Variants in RBFOX1 observed in about 807,000 individuals in gnomAD.
The protein encoded by RBFOX1 is RNA binding protein fox-1 homolog 1.
A neutral mutation model predicts 57.7 loss-of-function variants in RBFOX1; 8 were observed. The ratio of observed to expected loss-of-function variants is 0.14; its 90% CI spans 0.08 to 0.25. The LOEUF (loss-of-function observed/expected upper bound fraction) is 0.25. Ranked by LOEUF, RBFOX1 falls within the 10% of genes least tolerant of loss-of-function variation. RBFOX1 has a pLI of 1.00. For synonymous variants in RBFOX1, 326 were observed against 222.4 expected (o/e 1.47, Z -4.15); for missense variants, 611 against 548.5 (o/e 1.11, Z -1.14).
chr16:7,511,440 C>T (rs1462970490), intron 4 of RBFOX1, among the ~76,000 whole-genome samples: 2 of 152,170 alleles, frequency 1.3e-5, no homozygotes, highest in African/African-American at 2.4e-5. Flanking sequence ...AGAGAAAATT[C>T]AGGGTTCAGG....
Position 7,468,157 on chromosome 16 carries a change from C to T in RBFOX1, c.28-49990C>T, listed in dbSNP as rs191350634. ...GTGTGAAAACCCTGGCATTAAATCT[C>T]CACAGTAAAGTTGCTTGGTACACAG... On this transcript the variant is annotated intron_variant, in intron 4 of 15. Coordinates refer to ENST00000550418, the MANE Select transcript of RBFOX1 (RefSeq NM_018723.4). 3.1e-4 allele frequency among the ~76,000 whole-genome samples: 47 copies of T among 152,242 alleles called. No individual in the cohort carries two copies. In the South Asian group the frequency reaches 8.1e-3, roughly 26 times the overall value.
chr16:6,417,780 T>TA (rs5815307), intron 2 of RBFOX1, among the ~76,000 whole-genome samples: 93,006 of 150,676 alleles, frequency 0.62, 29,308 homozygotes, highest in African/African-American at 0.76. Flanking sequence ...TCATAGGTTT[T>TA]TTTTTTTTTA....
rs546246397 is a variant in RBFOX1 at position 5,805,604 on chromosome 16, A to G, written c.319-61699A>G. 6.3e-4 allele frequency among the ~76,000 whole-genome samples: 96 copies of G among 152,334 alleles called. 3 individuals carry two copies. The South Asian group carries it at 0.02, about 31-fold the overall frequency. ...TATCAAAAGGTTAAAGGAAACAGAT[A>G]AGATGCAGCACCCTGGGGCTAGCAA... On this transcript the variant is annotated intron_variant, in intron 3 of 19. Transcript: ENST00000641259.
At chr16:5,492,161 G>T (rs188863774) in intron 2 of RBFOX1, among the ~76,000 whole-genome samples, 35 of 152,288 alleles carry the variant, frequency 2.3e-4, no homozygotes, top group Admixed American at 9.2e-4. Context: ...GGACATGCTG[G>T]TGCATGCTCA....
intron 11 of RBFOX1, 38 bp downstream of exon 11, chr16:7,630,721 TAA>T: frequency 5.0e-6 from 8 of 1,612,616 alleles, no homozygotes; most frequent in Non-Finnish European, 6.8e-6. Flanking sequence ...TTTTGTGACA[TAA>T]ATCTGAGTCC....
intron 2 of RBFOX1, among the ~76,000 whole-genome samples, chr16:6,374,998 G>A (rs2090978057): frequency 6.6e-6 from 1 of 151,896 alleles, no homozygotes; most frequent in Non-Finnish European, 1.5e-5. Flanking sequence ...AAGACACTGA[G>A]CTATTGCTGC....
At chr16:6,047,468 T>C (rs1213347486) in intron 1 of RBFOX1, among the ~76,000 whole-genome samples, 1 of 152,180 alleles carries the variant, frequency 6.6e-6, no homozygotes, top group Non-Finnish European at 1.5e-5. Context: ...GGCCAGATGC[T>C]ATGTGACCAA....
intron 1 of RBFOX1, among the ~76,000 whole-genome samples, chr16:5,435,327 G>A (rs1429914798): frequency 6.6e-6 from 1 of 152,184 alleles, no homozygotes; most frequent in Non-Finnish European, 1.5e-5. Flanking sequence ...CCTCCCTTCT[G>A]AATTGGAGGG....
intron 3 of RBFOX1, among the ~76,000 whole-genome samples, chr16:6,844,413 T>C (rs2141641985): frequency 6.6e-6 from 1 of 152,218 alleles, no homozygotes; most frequent in East Asian, 1.9e-4. Flanking sequence ...GTTCTCATCA[T>C]TCACCTACTA....
chr16:7,013,258 C>T (rs778283725), intron 3 of RBFOX1, among the ~76,000 whole-genome samples: 34 of 152,264 alleles, frequency 2.2e-4, no homozygotes, highest in Non-Finnish European at 3.2e-4. Context: ...AGTCCCTACT[C>T]ACATAGGACT....
intron 3 of RBFOX1, among the ~76,000 whole-genome samples, chr16:7,030,643 A>C (rs1404680434): frequency 6.6e-6 from 1 of 152,090 alleles, no homozygotes; most frequent in Non-Finnish European, 1.5e-5. Flanking sequence ...ACTCTAATCT[A>C]CTATGATTTT....
chr16:5,572,692 G>C (rs1462604418), intron 2 of RBFOX1, among the ~76,000 whole-genome samples: 6 of 152,132 alleles, frequency 3.9e-5, no homozygotes, highest in Non-Finnish European at 7.3e-5. Flanking sequence ...TGAAGAGTAG[G>C]GTTGGCCATT....
intron 3 of RBFOX1, among the ~76,000 whole-genome samples, chr16:6,921,240 C>T (rs752419805): frequency 1.3e-5 from 2 of 152,152 alleles, no homozygotes; most frequent in Non-Finnish European, 2.9e-5. Flanking sequence ...TTTAAAACAG[C>T]ACACATTTGT....
intron 4 of RBFOX1, among the ~76,000 whole-genome samples, chr16:7,125,947 G>T (rs913442564): frequency 2.0e-5 from 3 of 152,134 alleles, no homozygotes; most frequent in African/African-American, 7.2e-5. Flanking sequence ...CCTGTGCGTG[G>T]TGGCACACAC....
chr16:6,747,820 C>G (rs1195738100), intron 3 of RBFOX1, among the ~76,000 whole-genome samples: 1 of 152,122 alleles, frequency 6.6e-6, no homozygotes. Context: ...TATCCTCAGT[C>G]CCTACCCGCC....
chr16:6,752,042 A>G (rs1603539343), intron 3 of RBFOX1, among the ~76,000 whole-genome samples: 1 of 152,150 alleles, frequency 6.6e-6, no homozygotes, highest in South Asian at 2.1e-4. Context: ...CACTGCTTTC[A>G]ACTTCAGAAA....
At chr16:6,452,864 G>GTAGA (rs2094666798) in intron 2 of RBFOX1, among the ~76,000 whole-genome samples, 1 of 152,292 alleles carries the variant, frequency 6.6e-6, no homozygotes, top group East Asian at 1.9e-4. Context: ...GGGGTCCTGA[G>GTAGA]TAGATATAAG....
At chr16:6,891,027 G>A (rs901154196) in intron 3 of RBFOX1, among the ~76,000 whole-genome samples, 1 of 152,140 alleles carries the variant, frequency 6.6e-6, no homozygotes, top group African/African-American at 2.4e-5. Flanking sequence ...TTTGAGGACA[G>A]GAGTTACGTC....
chr16:7,691,554 C>G (rs769174936), intron 14 of RBFOX1, among the ~76,000 whole-genome samples: 1 of 152,076 alleles, frequency 6.6e-6, no homozygotes, highest in Non-Finnish European at 1.5e-5. Flanking sequence ...TTCAAGGACA[C>G]CATCATACTA....
Sources: gnomAD v4.1 joint callset for allele counts (sites outside exome capture counted in the v4.1 genomes callset) on GRCh38, gnomAD v4.1.1 for gene constraint, MANE v1.5 for transcripts, NCBI Gene and HGNC (gene_info 2026-07-23, HGNC 2026-07-21) for gene names.